TRAPPC8: variants seen among roughly 807,000 people sequenced by gnomAD.
The protein encoded by TRAPPC8 is general sporulation gene 1 homolog.
TRAPPC8 carries 54 observed loss-of-function variants against 174.3 expected under a neutral mutation model. The observed-to-expected ratio is 0.31, with a 90% confidence interval of 0.25 to 0.39. The LOEUF is 0.39. Among genes scored for constraint, TRAPPC8 ranks in the 10% least tolerant of loss-of-function variants. The pLI is 1.00. For synonymous variants in TRAPPC8, 630 were observed against 579.9 expected, an observed-to-expected ratio of 1.09 and a Z score of -1.24; for missense variants, 1,531 against 1,699.1, an observed-to-expected ratio of 0.90 and a Z score of 1.74.
intron 4 of TRAPPC8, among the ~76,000 whole-genome samples, chr18:31,915,478 G>GC (rs2037095529): frequency 7.7e-6 from 1 of 129,900 alleles, no homozygotes. Flanking sequence ...AAGGGGGGGG[G>GC]GGCGCAGGCG....
chr18:31,908,253 A>T, intron 8 of TRAPPC8, 50 bp downstream of exon 8: 1 of 1,123,560 alleles, frequency 8.9e-7, no homozygotes, highest in Non-Finnish European at 1.3e-6. Flanking sequence ...ATCAAACACT[A>T]GTCAGAGAGT....
intron 2 of TRAPPC8, among the ~76,000 whole-genome samples, chr18:31,926,121 A>C (rs2037604529): frequency 6.6e-6 from 1 of 152,136 alleles, no homozygotes; most frequent in Non-Finnish European, 1.5e-5. Context: ...CTTTTATTTC[A>C]TTATATTCTC....
chr18:31,939,066 G>C (rs2038218741), intron 1 of TRAPPC8, among the ~76,000 whole-genome samples: 1 of 125,786 alleles, frequency 8.0e-6, no homozygotes, highest in Non-Finnish European at 1.6e-5. Flanking sequence ...CCTGGTGACA[G>C]AGCGAGACTC....
chr18:31,898,077 G>T (rs890617714), intron 10 of TRAPPC8, among the ~76,000 whole-genome samples, 186 bp from the exon 11 acceptor site: 2 of 152,052 alleles, frequency 1.3e-5, no homozygotes, highest in African/African-American at 4.8e-5. Flanking sequence ...TATAGCATTT[G>T]CCTATTAACC....
chr18:31,889,268 G>C (rs2035855945), intron 12 of TRAPPC8, among the ~76,000 whole-genome samples: 1 of 152,096 alleles, frequency 6.6e-6, no homozygotes, highest in South Asian at 2.1e-4. Context: ...CTACCACAAA[G>C]GTAGCATTTT....
intron 12 of TRAPPC8, among the ~76,000 whole-genome samples, chr18:31,886,593 G>A (rs184868465): frequency 5.9e-5 from 9 of 152,114 alleles, no homozygotes; most frequent in East Asian, 1.9e-4. Flanking sequence ...CTTCCCCAGC[G>A]TTTTTTGTTT....
chr18:31,856,005 C>T (rs892710093), intron 20 of TRAPPC8, among the ~76,000 whole-genome samples, 198 bp from the exon 21 acceptor site: 2 of 152,178 alleles, frequency 1.3e-5, no homozygotes, highest in Non-Finnish European at 2.9e-5. Flanking sequence ...TGGAAGGAAA[C>T]TACTAGTCTC....
chr18:31,885,814 C>A (rs906157875), intron 12 of TRAPPC8, among the ~76,000 whole-genome samples: 3 of 151,234 alleles, frequency 2.0e-5, no homozygotes, highest in Admixed American at 2.0e-4. Context: ...GAGCCGAGAT[C>A]GCGCCATTGC....
intron 9 of TRAPPC8, among the ~76,000 whole-genome samples, chr18:31,903,259 G>T (rs551777807): frequency 6.6e-6 from 1 of 151,982 alleles, no homozygotes; most frequent in African/African-American, 2.4e-5. Flanking sequence ...CAGAGGCTAC[G>T]ACAAGAATGA....
rs71175801 is a variant in TRAPPC8 at position 31,876,489 on chromosome 18, C to CAAAAAAAA, written c.1729-1793_1729-1786dup. Among the ~76,000 whole-genome samples the CAAAAAAAA allele has an allele frequency of 3.0e-3, 147 of 48,700 alleles. 23 individuals are homozygous for CAAAAAAAA. Among genetic ancestry groups the CAAAAAAAA allele is most frequent in the African/African-American group, 0.012 (132 of 10,618 alleles). 31.9% of individuals were successfully genotyped at this position (48,700 alleles called of 152,430 possible). A position where few individuals can be genotyped will look rare whatever the true frequency, so the allele number is the denominator to read the frequency against. On this transcript the variant is annotated intron_variant, in intron 12 of 28. Coordinates refer to ENST00000283351, the MANE Select transcript of TRAPPC8 (RefSeq NM_014939.5). ...TGGGCTACACTGCGAGACTCCATCT[C>CAAAAAAAA]AAAAAAAAAAAAAAAAAAAAAAAGA...
intron 15 of TRAPPC8, 39 bp downstream of exon 15, chr18:31,870,887 A>T: frequency 6.9e-7 from 1 of 1,445,116 alleles, no homozygotes; most frequent in Non-Finnish European, 9.3e-7. Flanking sequence ...CTGTAAGTAA[A>T]ACAAATAAAA....
At chr18:31,889,420 C>T (rs926950613) in intron 12 of TRAPPC8, among the ~76,000 whole-genome samples, 22 of 152,212 alleles carry the variant, frequency 1.4e-4, no homozygotes, top group South Asian at 1.2e-3. Flanking sequence ...AGAAAAATGA[C>T]GACTTATTTT....
At chr18:31,839,648 G>T (rs2032979464) in intron 26 of TRAPPC8, among the ~76,000 whole-genome samples, 191 bp from the exon 27 acceptor site, 1 of 152,150 alleles carries the variant, frequency 6.6e-6, no homozygotes, top group African/African-American at 2.4e-5. Context: ...TCAGTATCTG[G>T]AATCATTTAT....
At chr18:31,863,293 T>C (rs1430004122) in intron 19 of TRAPPC8, among the ~76,000 whole-genome samples, 1 of 152,220 alleles carries the variant, frequency 6.6e-6, no homozygotes, top group Non-Finnish European at 1.5e-5. Flanking sequence ...ACTATAGTTT[T>C]GCTGAAGGTT....
chr18:31,884,430 T>C (rs1039866355), intron 12 of TRAPPC8, among the ~76,000 whole-genome samples: 1 of 152,238 alleles, frequency 6.6e-6, no homozygotes, highest in Admixed American at 6.5e-5. Flanking sequence ...ATTTATGATG[T>C]ATGCACATTT....
chr18:31,851,513 CT>C (rs34103534), intron 24 of TRAPPC8, among the ~76,000 whole-genome samples: 18,278 of 145,544 alleles, frequency 0.13, 1,379 homozygotes, highest in Middle Eastern at 0.22. Context: ...CTAGGAGGCT[CT>C]TTTTTTTTTT....
chr18:31,839,566 T>TG, intron 26 of TRAPPC8, 109 bp from the exon 27 acceptor site: 1 of 990,568 alleles, frequency 1.0e-6, no homozygotes, highest in Non-Finnish European at 1.4e-6. Context: ...GATAATGTAA[T>TG]GCATGAACAG....
intron 1 of TRAPPC8, among the ~76,000 whole-genome samples, chr18:31,935,812 T>C (rs1192643751): frequency 1.3e-5 from 2 of 151,438 alleles, no homozygotes; most frequent in Non-Finnish European, 2.9e-5. Context: ...TTCAACTCAC[T>C]GCAACCTCCG....
At chr18:31,841,609 C>T (rs1166286362) in intron 26 of TRAPPC8, among the ~76,000 whole-genome samples, 1 of 152,116 alleles carries the variant, frequency 6.6e-6, no homozygotes, top group Non-Finnish European at 1.5e-5. Flanking sequence ...AACTACTGTG[C>T]TATACTGCTT....
Sources: allele counts gnomAD v4.1 joint callset (sites outside exome capture counted in the v4.1 genomes callset), GRCh38; gene constraint gnomAD v4.1.1; transcripts MANE v1.5; gene names NCBI Gene and HGNC (gene_info 2026-07-23, HGNC 2026-07-21).